The following VTI1A variants were observed in gnomAD, a reference collection of about 807,000 sequenced individuals.
VTI1A encodes vesicle transport through interaction with t-SNAREs 1A.
A neutral mutation model predicts 34.9 loss-of-function variants in VTI1A; 22 were observed. The observed-to-expected ratio is 0.63, with a 90% CI of 0.45 to 0.90. The LOEUF is 0.90. Ranked by LOEUF, VTI1A falls within the 40% of genes least tolerant of loss-of-function variation. The pLI is 0.00. For missense variants in VTI1A, 268 were observed against 275.6 expected, an observed-to-expected ratio of 0.97 and a Z score of 0.20; for synonymous variants, 87 against 97.3, an observed-to-expected ratio of 0.89 and a Z score of 0.62.
intron 7 of VTI1A, chr10:112,736,662 G>T: frequency 6.5e-7 from 1 of 1,549,528 alleles, no homozygotes; most frequent in Admixed American, 2.0e-5. Context: ...ACAAACTAGT[G>T]CATTTAGCAA....
At chr10:112,571,528 A>G (rs1017028748) in intron 5 of VTI1A, among the ~76,000 whole-genome samples, 2 of 152,166 alleles carry the variant, frequency 1.3e-5, no homozygotes, top group African/African-American at 4.8e-5. Flanking sequence ...ACACTTATAC[A>G]CCGTTGGTGG....
intron 5 of VTI1A, among the ~76,000 whole-genome samples, chr10:112,588,480 A>G (rs1044928174): frequency 2.6e-5 from 4 of 152,248 alleles, no homozygotes; most frequent in African/African-American, 9.6e-5. Flanking sequence ...GACTGAAAAT[A>G]TTATGTTGTA....
At chr10:112,715,676 C>G (rs972002183) in intron 7 of VTI1A, among the ~76,000 whole-genome samples, 1 of 152,158 alleles carries the variant, frequency 6.6e-6, no homozygotes, top group Admixed American at 6.5e-5. Flanking sequence ...TTGTTCCTGG[C>G]TGGAAGACAT....
At chr10:112,780,604 A>G (rs948606852) in intron 7 of VTI1A, among the ~76,000 whole-genome samples, 2 of 152,188 alleles carry the variant, frequency 1.3e-5, no homozygotes, top group African/African-American at 4.8e-5. Flanking sequence ...TCAGAGCTCA[A>G]TATGCATAAT....
chr10:112,527,285 T>C, intron 4 of VTI1A, 121 bp downstream of exon 4: 1 of 734,784 alleles, frequency 1.4e-6, no homozygotes, highest in Non-Finnish European at 2.2e-6. Flanking sequence ...AGCGATACTG[T>C]TTAATGCAAA....
intron 7 of VTI1A, among the ~76,000 whole-genome samples, chr10:112,744,286 ACT>A (rs1347835044): frequency 6.6e-6 from 1 of 151,862 alleles, no homozygotes; most frequent in Non-Finnish European, 1.5e-5. Flanking sequence ...TTCAGCGTCC[ACT>A]CTCTTGCCAC....
the VTI1A span, among the ~76,000 whole-genome samples, chr10:112,835,950 A>G: frequency 2.0e-5 from 3 of 152,206 alleles, no homozygotes; most frequent in African/African-American, 4.8e-5. Context: ...GGACATTATT[A>G]TTTGTTGCTT....
intron 7 of VTI1A, among the ~76,000 whole-genome samples, chr10:112,711,489 A>G (rs1048126943): frequency 5.3e-5 from 8 of 152,204 alleles, no homozygotes; most frequent in African/African-American, 1.7e-4. Flanking sequence ...GGACATTTGT[A>G]TAGCATATTC....
At chr10:112,575,370 G>A (rs1056506929) in intron 5 of VTI1A, among the ~76,000 whole-genome samples, 2 of 152,130 alleles carry the variant, frequency 1.3e-5, no homozygotes, top group South Asian at 4.1e-4. Flanking sequence ...CTTTGTAGCT[G>A]TTTTCATAAA....
chr10:112,834,491 G>T, the VTI1A span, among the ~76,000 whole-genome samples: 1 of 152,302 alleles, frequency 6.6e-6, no homozygotes, highest in East Asian at 1.9e-4. Flanking sequence ...CCTGTGATTG[G>T]TTCCATGCAA....
At chr10:112,829,727 C>G in the VTI1A span, among the ~76,000 whole-genome samples, 1 of 152,162 alleles carries the variant, frequency 6.6e-6, no homozygotes, top group Non-Finnish European at 1.5e-5. Context: ...GCACTCCAGC[C>G]TGGGCAACAG....
At chr10:112,532,856 A>G (rs1203726758) in intron 4 of VTI1A, among the ~76,000 whole-genome samples, 1 of 152,148 alleles carries the variant, frequency 6.6e-6, no homozygotes, top group Non-Finnish European at 1.5e-5. Context: ...TAAGCAAAAT[A>G]AAAATGTAGA....
intron 7 of VTI1A, among the ~76,000 whole-genome samples, chr10:112,777,887 G>A (rs1179279207): frequency 1.3e-5 from 2 of 152,210 alleles, no homozygotes; most frequent in Non-Finnish European, 2.9e-5. Flanking sequence ...TGGATCACCT[G>A]AGGTAGGGAG....
intron 5 of VTI1A, among the ~76,000 whole-genome samples, chr10:112,650,674 G>A (rs1277993236): frequency 6.6e-6 from 1 of 152,156 alleles, no homozygotes; most frequent in Non-Finnish European, 1.5e-5. Context: ...ATTGTGCTAC[G>A]ATGTTCGACA....
intron 2 of VTI1A, among the ~76,000 whole-genome samples, chr10:112,462,826 A>T (rs1847769799): frequency 6.6e-6 from 1 of 152,216 alleles, no homozygotes. Flanking sequence ...TAAAAGGTAA[A>T]CTACATGGCA....
At position 112,640,454 on chromosome 10, in the gene VTI1A, A is replaced by C. The variant is rs183204012; in HGVS notation, c.428-27764A>C. On this transcript the variant is annotated intron_variant, in intron 5 of 7. Coordinates refer to ENST00000393077, the MANE Select transcript of VTI1A (RefSeq NM_145206.4). ...CCCACTCCTCCTGCTCCCACCTCTCATGGAGGAAGAGTGGACCAGCTCACA... is the reference window on the plus strand; with the variant it reads ...CCCACTCCTCCTGCTCCCACCTCTCCTGGAGGAAGAGTGGACCAGCTCACA... 6.6e-5 allele frequency among the ~76,000 whole-genome samples: 10 copies of C among 151,828 alleles called. No individual in the cohort carries two copies. In the East Asian group the frequency reaches 2.0e-3, roughly 30 times the overall value.
intron 5 of VTI1A, among the ~76,000 whole-genome samples, chr10:112,589,231 C>T (rs191066592): frequency 3.3e-5 from 5 of 152,220 alleles, no homozygotes; most frequent in East Asian, 1.9e-4. Context: ...ATTATTCCCA[C>T]GTGTTGTGGG....
intron 7 of VTI1A, among the ~76,000 whole-genome samples, chr10:112,695,676 T>C (rs1449154468): frequency 2.0e-5 from 3 of 152,172 alleles, no homozygotes; most frequent in Admixed American, 6.5e-5. Context: ...GCAGTGGAAA[T>C]GCACGTTGCA....
chr10:112,529,734 C>A (rs1171312832), intron 4 of VTI1A, among the ~76,000 whole-genome samples: 2 of 151,940 alleles, frequency 1.3e-5, no homozygotes, highest in East Asian at 1.9e-4. Flanking sequence ...TTGGGATATA[C>A]CTGTCAGTTT....
Sources: allele counts gnomAD v4.1 joint callset (sites outside exome capture counted in the v4.1 genomes callset), GRCh38; gene constraint gnomAD v4.1.1; transcripts MANE v1.5; gene names NCBI Gene and HGNC (gene_info 2026-07-23, HGNC 2026-07-21).